EIF4G3: variants seen among roughly 807,000 people sequenced by gnomAD.
EIF4G3 encodes eukaryotic translation initiation factor 4 gamma 3, also known as eIF-4-gamma 3.
In EIF4G3, 34 loss-of-function variants were observed where a neutral mutation model predicts 186.4. The observed-to-expected ratio is 0.18, with a 90% CI of 0.14 to 0.24. The LOEUF (loss-of-function observed/expected upper bound fraction) is 0.24. Among genes scored for constraint, EIF4G3 ranks in the 10% least tolerant of loss-of-function variants. EIF4G3 has a pLI of 1.00. For missense variants in EIF4G3, 1,536 were observed against 1,948.5 expected, an observed-to-expected ratio of 0.79 and a Z score of 3.99; for synonymous variants, 673 against 679.5, an observed-to-expected ratio of 0.99 and a Z score of 0.15.
In EIF4G3 at chr1:21,054,478, GAAAAGA is replaced by G. The variant is rs985275640; in HGVS notation, c.-195-3490_-195-3485del. Among the ~76,000 whole-genome samples, 10 of 147,832 alleles carry G rather than the reference GAAAAGA, an allele frequency of 6.8e-5. No individual in the cohort carries two copies. In the East Asian group the frequency reaches 1.0e-3, roughly 15 times the overall value. ...CAAGAATGATCAATAAAAAAAAAAA[GAAAAGA>G]AAAAGAAAAAAACAAAAACAAATTC... On this transcript the variant is annotated intron_variant, in intron 3 of 36. Transcript: ENST00000602326.
rs1402950643 is a variant in EIF4G3 at position 21,052,321 on chromosome 1, G to GA, written c.-195-1328dup. Among the ~76,000 whole-genome samples the GA allele has an allele frequency of 2.6e-5, 4 of 152,260 alleles. No individual in the cohort carries two copies. In the East Asian group the frequency reaches 7.7e-4, roughly 29 times the overall value. ...CACTGATGGTTTTGCAAACTTTCAT[G>GA]AATTATGGGCAGTTCTGTCCTCTGC... On this transcript the variant is annotated intron_variant, in intron 3 of 36. Transcript: ENST00000602326.
chr1:20,971,755 T>A (rs1314858486), intron 11 of EIF4G3, among the ~76,000 whole-genome samples: 2 of 152,166 alleles, frequency 1.3e-5, no homozygotes, highest in Admixed American at 6.6e-5. Context: ...TGCCTCAGCC[T>A]CCCGAGTAGC....
chr1:21,175,070 TAA>T (rs1446396850), intron 2 of EIF4G3: 1 of 152,172 alleles, frequency 6.6e-6, no homozygotes, highest in Non-Finnish European at 1.5e-5. Context: ...CTACAATCTC[TAA>T]AAGTCAAACG....
intron 14 of EIF4G3, among the ~76,000 whole-genome samples, chr1:20,906,979 A>G (rs2092294757): frequency 6.6e-6 from 1 of 152,146 alleles, no homozygotes; most frequent in Non-Finnish European, 1.5e-5. Context: ...CAGGAAGAAA[A>G]AGGGAGAGGG....
At chr1:20,984,179 CG>C (rs1275962546) in intron 7 of EIF4G3, among the ~76,000 whole-genome samples, 1 of 151,160 alleles carries the variant, frequency 6.6e-6, no homozygotes, top group Admixed American at 6.6e-5. Flanking sequence ...TTTCTTTTGT[CG>C]GGGGGAGATG....
intron 32 of EIF4G3, among the ~76,000 whole-genome samples, chr1:20,826,633 G>A (rs1307621712): frequency 1.3e-5 from 2 of 151,516 alleles, no homozygotes; most frequent in African/African-American, 4.9e-5. Flanking sequence ...GGGACTACAG[G>A]TGCGTGCCAC....
At chr1:20,868,249 TAAC>T (rs2078138908) in intron 20 of EIF4G3, among the ~76,000 whole-genome samples, 1 of 151,972 alleles carries the variant, frequency 6.6e-6, no homozygotes, top group Admixed American at 6.6e-5. Context: ...TGGGCTGCTA[TAAC>T]AAAATACCAT....
At chr1:21,055,225 T>C (rs984576651) in intron 3 of EIF4G3, among the ~76,000 whole-genome samples, 20 of 152,266 alleles carry the variant, frequency 1.3e-4, no homozygotes, top group African/African-American at 4.8e-4. Context: ...TATTTTGATA[T>C]TTTGCTAAAG....
intron 16 of EIF4G3, among the ~76,000 whole-genome samples, chr1:20,896,742 T>C (rs972624383): frequency 1.2e-4 from 19 of 152,232 alleles, no homozygotes; most frequent in African/African-American, 4.1e-4. Flanking sequence ...TCTCCATTCA[T>C]GGTAAGTGCC....
chr1:20,894,975 C>G (rs1039402956), intron 17 of EIF4G3, among the ~76,000 whole-genome samples: 1 of 152,102 alleles, frequency 6.6e-6, no homozygotes, highest in Non-Finnish European at 1.5e-5. Context: ...TGCCAAATAC[C>G]TTCCTAGATT....
At chr1:20,883,885 T>C (rs947441204) in intron 19 of EIF4G3, among the ~76,000 whole-genome samples, 2 of 152,102 alleles carry the variant, frequency 1.3e-5, no homozygotes, top group Non-Finnish European at 2.9e-5. Flanking sequence ...CAAAAATCAG[T>C]GTTTCAGGTA....
chr1:21,126,617 C>T (rs1572945597), intron 2 of EIF4G3, among the ~76,000 whole-genome samples: 1 of 151,836 alleles, frequency 6.6e-6, no homozygotes, highest in African/African-American at 2.4e-5. Context: ...GACCATGCCA[C>T]TGCATTCCTC....
rs568623203 is a variant in EIF4G3, at chr1:20,974,840, T to C, written c.494-1741A>G. 9.9e-5 allele frequency among the ~76,000 whole-genome samples: 15 copies of C among 152,166 alleles called. No homozygotes were observed. The East Asian group carries it at 1.4e-3, about 14-fold the overall frequency. On this transcript the variant is annotated intron_variant, in intron 10 of 36. Transcript: ENST00000602326. ...TGGGATCCAGTACACACATAAAAGA[T>C]TGGCTTTCCATAGAACATGGATAAT... is the stretch of plus-strand genomic sequence containing the variant.
rs1558552514 is a variant in EIF4G3 at position 20,981,662 on chromosome 1, TACGCAC to T, written c.199-441_199-436del. Reference sequence around the variant, plus strand: ...CATACTGTATGTATACATACATGTATACGCACATACTGTATGTATACATACATGTAT... The same window carrying T: ...CATACTGTATGTATACATACATGTATATACTGTATGTATACATACATGTAT... On this transcript the variant is annotated intron_variant, in intron 8 of 36. Transcript: ENST00000602326. Among the ~76,000 whole-genome samples, 44 of 132,114 alleles carry T rather than the reference TACGCAC, an allele frequency of 3.3e-4. 2 individuals are homozygous for T. Among genetic ancestry groups the T allele is most frequent in the African/African-American group, 8.3e-4 (30 of 35,988 alleles). 86.7% of individuals were successfully genotyped at this position (132,114 alleles called of 152,430 possible). A position where few individuals can be genotyped will look rare whatever the true frequency, so the allele number is the denominator to read the frequency against.
rs2096895025 is a variant in EIF4G3 at position 21,119,784 on chromosome 1, T to C, written c.-271-30571A>G. On this transcript the variant is annotated intron_variant, in intron 2 of 36. Transcript: ENST00000602326. ...AGGACTAGGATACAAGGATGTAAGG[T>C]AGAAAGTATCTTCCATCATCCAATC... Among the ~76,000 whole-genome samples, 7 of 152,086 alleles carry C rather than the reference T, an allele frequency of 4.6e-5. No homozygotes were observed. The South Asian group carries it at 1.5e-3, about 32-fold the overall frequency.
At chr1:21,150,704 C>A (rs550095843) in intron 2 of EIF4G3, among the ~76,000 whole-genome samples, 6 of 152,270 alleles carry the variant, frequency 3.9e-5, no homozygotes, top group African/African-American at 1.2e-4. Context: ...TGGCCGGGTG[C>A]GGTGGCTCAG....
chr1:20,877,257 C>T (rs775143187), intron 20 of EIF4G3, among the ~76,000 whole-genome samples: 66 of 152,264 alleles, frequency 4.3e-4, no homozygotes, highest in Non-Finnish European at 2.5e-4. Context: ...GTCATGGCTA[C>T]CACAATGAAA....
intron 2 of EIF4G3, among the ~76,000 whole-genome samples, chr1:21,163,086 T>G (rs2097792607): frequency 6.6e-6 from 1 of 152,170 alleles, no homozygotes; most frequent in African/African-American, 2.4e-5. Context: ...CTTTTTAAAT[T>G]TACTGTCTAC....
chr1:20,952,133 G>A (rs1019119464), intron 12 of EIF4G3, among the ~76,000 whole-genome samples: 2 of 149,400 alleles, frequency 1.3e-5, no homozygotes, highest in African/African-American at 2.5e-5. Flanking sequence ...AAATCATAAC[G>A]TATTAACATA....
Sources: allele counts gnomAD v4.1 joint callset (sites outside exome capture counted in the v4.1 genomes callset), GRCh38; gene constraint gnomAD v4.1.1; transcripts MANE v1.5; gene names NCBI Gene and HGNC (gene_info 2026-07-23, HGNC 2026-07-21).